Variants in GPM6A observed in about 807,000 individuals in gnomAD.
The protein encoded by GPM6A is neuronal membrane glycoprotein M6-a.
GPM6A carries 7 observed loss-of-function variants against 32.1 expected under a neutral mutation model. That is an observed-to-expected ratio of 0.22 (90% confidence interval 0.12 to 0.41). GPM6A has a LOEUF of 0.41. Among genes scored for constraint, GPM6A ranks in the 10% least tolerant of loss-of-function variants. The pLI is 1.00. For synonymous variants in GPM6A, 130 were observed against 123.4 expected (o/e 1.05, Z -0.35); for missense variants, 235 against 347.2 (o/e 0.68, Z 2.57).
At chr4:175,952,118 G>T (rs145197182) in intron 1 of GPM6A, among the ~76,000 whole-genome samples, 1 of 152,298 alleles carries the variant, frequency 6.6e-6, no homozygotes, top group African/African-American at 2.4e-5. Context: ...GATATTACAA[G>T]GCCCAGGTGA....
At chr4:175,697,815 G>C (rs1744663396) in intron 2 of GPM6A, among the ~76,000 whole-genome samples, 1 of 152,144 alleles carries the variant, frequency 6.6e-6, no homozygotes, top group African/African-American at 2.4e-5. Context: ...TATCAGCTAA[G>C]AGTTTAGGAG....
At chr4:175,906,475 A>G (rs1738133839) in intron 1 of GPM6A, among the ~76,000 whole-genome samples, 2 of 152,130 alleles carry the variant, frequency 1.3e-5, no homozygotes, top group Non-Finnish European at 2.9e-5. Flanking sequence ...TTAGAAAACA[A>G]GCCTTCAAAC....
chr4:175,795,724 G>C (rs1324191714), intron 1 of GPM6A: 1 of 152,114 alleles, frequency 6.6e-6, no homozygotes, highest in Non-Finnish European at 1.5e-5. Flanking sequence ...ACTCCAGCTT[G>C]AGTGACAGAG....
intron 1 of GPM6A, among the ~76,000 whole-genome samples, chr4:175,702,827 G>A (rs1744954677): frequency 6.6e-6 from 1 of 152,148 alleles, no homozygotes; most frequent in Admixed American, 6.5e-5. Context: ...TTCATGTTAT[G>A]TAGTAAGGGA....
chr4:175,817,342 T>C (rs1302154611), intron 1 of GPM6A, among the ~76,000 whole-genome samples: 1 of 152,232 alleles, frequency 6.6e-6, no homozygotes, highest in Non-Finnish European at 1.5e-5. Flanking sequence ...TAAAAGTGTT[T>C]ACTAAGCATT....
chr4:175,848,741 C>A (rs970634534), intron 1 of GPM6A, among the ~76,000 whole-genome samples: 7 of 151,634 alleles, frequency 4.6e-5, no homozygotes, highest in African/African-American at 1.7e-4. Context: ...ATACATCATT[C>A]TTGACACATG....
intron 1 of GPM6A, among the ~76,000 whole-genome samples, chr4:175,898,979 T>A (rs983365418): frequency 6.6e-6 from 1 of 152,200 alleles, no homozygotes; most frequent in Non-Finnish European, 1.5e-5. Context: ...CAAGTTTCCA[T>A]GCTCATGGAA....
intron 1 of GPM6A, among the ~76,000 whole-genome samples, chr4:175,910,977 C>T (rs1469308610): frequency 2.0e-5 from 3 of 152,168 alleles, no homozygotes; most frequent in Non-Finnish European, 4.4e-5. Context: ...CTCAGACAGC[C>T]TTAAATAACA....
intron 1 of GPM6A, among the ~76,000 whole-genome samples, chr4:175,910,293 G>A (rs1426176140): frequency 1.3e-5 from 2 of 152,112 alleles, no homozygotes; most frequent in Admixed American, 6.5e-5. Context: ...AAGTCTCCAA[G>A]TTGCAAAACA....
chr4:175,747,219 G>A (rs983647801), intron 1 of GPM6A, among the ~76,000 whole-genome samples: 3 of 143,440 alleles, frequency 2.1e-5, no homozygotes, highest in Admixed American at 7.3e-5. Context: ...GCAGTTAGCC[G>A]AGATTGTGTC....
intron 1 of GPM6A, among the ~76,000 whole-genome samples, chr4:175,714,165 C>T (rs1310349614): frequency 6.6e-6 from 1 of 152,058 alleles, no homozygotes. Context: ...ACAAGATATG[C>T]AAGCCACGCA....
At chr4:175,858,757 A>G (rs955980332) in intron 1 of GPM6A, among the ~76,000 whole-genome samples, 5 of 152,198 alleles carry the variant, frequency 3.3e-5, no homozygotes, top group Non-Finnish European at 5.9e-5. Context: ...GTGTGTCCAT[A>G]TTATGACTCT....
chr4:175,742,273 T>C (rs937588800), intron 1 of GPM6A, among the ~76,000 whole-genome samples: 2 of 152,116 alleles, frequency 1.3e-5, no homozygotes, highest in African/African-American at 4.8e-5. Context: ...TGGTGGGTTG[T>C]TCTAGAGAAT....
At chr4:175,903,728 T>A (rs1283516219) in intron 1 of GPM6A, among the ~76,000 whole-genome samples, 1 of 152,128 alleles carries the variant, frequency 6.6e-6, no homozygotes, top group Non-Finnish European at 1.5e-5. Flanking sequence ...GTCCTATAAT[T>A]TTTTTAAATC....
intron 1 of GPM6A, among the ~76,000 whole-genome samples, chr4:175,791,879 A>C (rs1404444959): frequency 6.6e-6 from 1 of 152,178 alleles, no homozygotes; most frequent in Non-Finnish European, 1.5e-5. Flanking sequence ...CACTCCCAGA[A>C]ATACTTCCAT....
intron 1 of GPM6A, among the ~76,000 whole-genome samples, chr4:175,735,920 T>G (rs1166334435): frequency 1.3e-5 from 2 of 152,174 alleles, no homozygotes; most frequent in African/African-American, 4.8e-5. Context: ...TCTAGAGTTA[T>G]TTAGAAATAG....
chr4:175,741,037 T>C (rs1420036523), intron 1 of GPM6A, among the ~76,000 whole-genome samples: 2 of 152,062 alleles, frequency 1.3e-5, no homozygotes, highest in African/African-American at 4.8e-5. Flanking sequence ...ATTTTTCAAG[T>C]TCCTCTGTAG....
chr4:175,799,426 G>C (rs1374842491), intron 1 of GPM6A, among the ~76,000 whole-genome samples: 2 of 152,054 alleles, frequency 1.3e-5, no homozygotes, highest in Non-Finnish European at 2.9e-5. Flanking sequence ...CTCACACTAA[G>C]AACTGCTTGA....
chr4:175,718,964 T>C (rs985878620), intron 1 of GPM6A, among the ~76,000 whole-genome samples: 3 of 152,164 alleles, frequency 2.0e-5, no homozygotes, highest in Admixed American at 2.0e-4. Flanking sequence ...AAATTCTCTT[T>C]AAAAAGAGAA....
Sources: allele counts gnomAD v4.1 joint callset (sites outside exome capture counted in the v4.1 genomes callset), GRCh38; gene constraint gnomAD v4.1.1; transcripts MANE v1.5; gene names NCBI Gene and HGNC (gene_info 2026-07-23, HGNC 2026-07-21).